LARS2: variants seen among roughly 807,000 people sequenced by gnomAD.
The protein encoded by LARS2 is leucyl-tRNA synthetase 2, mitochondrial.
Under a neutral mutation model 116.6 loss-of-function variants are expected in LARS2, and 81 were observed. The observed-to-expected ratio is 0.69, with a 90% CI of 0.58 to 0.84. The LOEUF (loss-of-function observed/expected upper bound fraction) is 0.84, where lower values mean the gene tolerates loss of function less well. Among genes scored for constraint, LARS2 ranks in the 40% least tolerant of loss-of-function variants. LARS2 has a pLI of 0.00. For missense variants in LARS2, 968 were observed against 1,114.5 expected (o/e 0.87, Z 1.87); for synonymous variants, 396 against 407.2 (o/e 0.97, Z 0.33).
chr3:45,522,489 G>T (rs9880108), intron 19 of LARS2, among the ~76,000 whole-genome samples: 1 of 152,230 alleles, frequency 6.6e-6, no homozygotes, highest in Non-Finnish European at 1.5e-5. Context: ...CCAGCACTGC[G>T]GGAGGTCAAG....
rs556672032 is a variant in LARS2 at position 45,400,327 on chromosome 3, C to T, written c.317C>T (p.Thr106Ile). 16 of 1,613,794 alleles carry T rather than the reference C, an allele frequency of 9.9e-6. No individual in the cohort carries two copies. The highest frequency in any genetic ancestry group is 1.3e-5 in the Non-Finnish European group (15 of 1,179,858). ...CACATGGGCCATGTGCGTGTCTACA[C>T]CATCAGCGACACCATAGCACGGTTC... ...KLHMGHVRVY[T>I]ISDTIARFQK... Residue 106 changes from threonine to isoleucine, a missense_variant, in exon 4 of 22, where the codon ACC becomes ATC. Transcript: ENST00000645846.
intron 10 of LARS2, among the ~76,000 whole-genome samples, chr3:45,482,072 C>T (rs1371787238): frequency 2.0e-5 from 3 of 152,266 alleles, no homozygotes; most frequent in African/African-American, 4.8e-5. Context: ...GGTCATGTTA[C>T]TTTTTAACTC....
chr3:45,395,899 A>G (rs1403987245), intron 3 of LARS2, among the ~76,000 whole-genome samples: 3 of 152,274 alleles, frequency 2.0e-5, no homozygotes, highest in Non-Finnish European at 4.4e-5. Flanking sequence ...TAATTTTACA[A>G]TGAAAGCTTG....
intron 12 of LARS2, among the ~76,000 whole-genome samples, chr3:45,489,814 A>G (rs759376348): frequency 6.6e-6 from 1 of 152,170 alleles, no homozygotes; most frequent in African/African-American, 2.4e-5. Flanking sequence ...TGAGGGGGGC[A>G]TGGATCAGAC....
chr3:45,432,731 G>A (rs1258685913), intron 6 of LARS2, among the ~76,000 whole-genome samples: 2 of 151,716 alleles, frequency 1.3e-5, no homozygotes, highest in African/African-American at 4.8e-5. Context: ...ACAAAGAGAA[G>A]AACAAAGTAA....
At chr3:45,476,336 C>T in intron 9 of LARS2, 132 bp from the exon 10 acceptor site, 3 of 932,184 alleles carry the variant, frequency 3.2e-6, no homozygotes, top group Non-Finnish European at 5.1e-6. Flanking sequence ...ATCCCCACAC[C>T]CCTGGCCCAG....
chr3:45,547,857 G>A lies in LARS2; in HGVS notation c.*327G>A. 4.6e-6 allele frequency: 1 copy of A among 215,372 alleles called. No individual in the cohort carries two copies. The highest frequency in any genetic ancestry group is 9.1e-6 in the Non-Finnish European group (1 of 109,602). The allele number at this position is 215,372 out of a possible 1,614,324, so 13.3% of individuals were successfully genotyped here. A position where few individuals can be genotyped will look rare whatever the true frequency, so the allele number is the denominator to read the frequency against. On this transcript the variant is annotated 3_prime_UTR_variant, in exon 22 of 22. Coordinates refer to ENST00000645846, the MANE Select transcript of LARS2 (RefSeq NM_015340.4). ...GAGACACTGCTGGTGGGAGCAGGAAGGAGCAGTGCCCCTCGAGCAGCCAGG... is the reference window on the plus strand; with the variant it reads ...GAGACACTGCTGGTGGGAGCAGGAAAGAGCAGTGCCCCTCGAGCAGCCAGG...
chr3:45,394,606 T>C lies in LARS2; in HGVS notation c.153T>C (p.Tyr51=). The C allele has an allele frequency of 6.2e-7, 1 of 1,614,164 alleles. No individual in the cohort carries two copies. Among genetic ancestry groups the C allele is most frequent in the Non-Finnish European group, 8.5e-7 (1 of 1,180,024 alleles). ...CCACGGGAAAGTGGACAAAAGAGTA[T>C]ACATTGCAGACAAGAAAGGATGTTG... is the stretch of plus-strand genomic sequence containing the variant. The part of the protein sequence containing the change: ...YSATGKWTKE[Y]TLQTRKDVEK... The change falls in exon 3 of 22, where the codon TAT becomes TAC. Residue 51 remains tyrosine (Y), a synonymous_variant. Coordinates refer to ENST00000645846, the MANE Select transcript of LARS2 (RefSeq NM_015340.4).
At chr3:45,498,966 C>A (rs1183318025) in intron 14 of LARS2, among the ~76,000 whole-genome samples, 1 of 152,096 alleles carries the variant, frequency 6.6e-6, no homozygotes, top group Non-Finnish European at 1.5e-5. Flanking sequence ...TTTCAGACTG[C>A]TTTAAAAAAT....
intron 8 of LARS2, among the ~76,000 whole-genome samples, chr3:45,466,484 A>T (rs776391431): frequency 6.6e-6 from 1 of 152,192 alleles, no homozygotes; most frequent in Non-Finnish European, 1.5e-5. Context: ...TTGCAAAATC[A>T]ATATGATGTC....
intron 20 of LARS2, among the ~76,000 whole-genome samples, chr3:45,531,095 A>G (rs1007942261): frequency 2.0e-4 from 31 of 152,258 alleles, no homozygotes; most frequent in Middle Eastern, 3.4e-3. Context: ...TGGCTGGCAT[A>G]TTTTTCTTCT....
intron 7 of LARS2, among the ~76,000 whole-genome samples, chr3:45,450,333 G>A (rs923068608): frequency 3.3e-5 from 5 of 152,066 alleles, no homozygotes; most frequent in Admixed American, 1.3e-4. Context: ...ATGCTAGAAC[G>A]TATTCCTTTT....
chr3:45,488,644 T>G, intron 11 of LARS2, 53 bp from the exon 12 acceptor site: 1 of 1,085,572 alleles, frequency 9.2e-7, no homozygotes. Context: ...TCAGTTGTTT[T>G]GTGATTTGGG....
intron 7 of LARS2, among the ~76,000 whole-genome samples, chr3:45,450,074 C>T (rs1699099417): frequency 6.6e-6 from 1 of 152,056 alleles, no homozygotes; most frequent in Admixed American, 6.5e-5. Context: ...AAGTTTTATT[C>T]CATGGATGTA....
At chr3:45,437,259 A>G (rs982823387) in intron 6 of LARS2, among the ~76,000 whole-genome samples, 1 of 152,246 alleles carries the variant, frequency 6.6e-6, no homozygotes, top group African/African-American at 2.4e-5. Context: ...AAAAGTGTCT[A>G]GCATTTGTCA....
chr3:45,516,568 A>G (rs1018817606), intron 17 of LARS2, among the ~76,000 whole-genome samples: 1 of 152,142 alleles, frequency 6.6e-6, no homozygotes, highest in Non-Finnish European at 1.5e-5. Context: ...TGGCCTTTGA[A>G]CAAGCTCAGC....
At chr3:45,533,991 G>A (rs189729384) in intron 20 of LARS2, among the ~76,000 whole-genome samples, 7 of 152,314 alleles carry the variant, frequency 4.6e-5, no homozygotes, top group Non-Finnish European at 8.8e-5. Context: ...TTTATTGAGC[G>A]TGTACTATGT....
At chr3:45,494,619 G>C (rs1699977457) in intron 13 of LARS2, among the ~76,000 whole-genome samples, 1 of 152,210 alleles carries the variant, frequency 6.6e-6, no homozygotes, top group African/African-American at 2.4e-5. Flanking sequence ...CTGGTTCTCT[G>C]CTGATCCAGG....
At position 45,414,275 on chromosome 3, in the gene LARS2, A is replaced by G. The variant is rs140404493; in HGVS notation, c.364-3207A>G. 5.6e-3 allele frequency among the ~76,000 whole-genome samples: 846 copies of G among 152,364 alleles called. 7 individuals carry two copies. Among genetic ancestry groups the G allele is most frequent in the Middle Eastern group, 0.024 (7 of 294 alleles). The stretch of plus-strand genomic sequence containing the variant: ...GTGAAAAACCAGAGATAAAAAATAC[A>G]TATATAAATAATATATTCTCAATTT... On this transcript the variant is annotated intron_variant, in intron 4 of 21. Coordinates refer to ENST00000645846, the MANE Select transcript of LARS2 (RefSeq NM_015340.4).
Sources: allele counts gnomAD v4.1 joint callset (sites outside exome capture counted in the v4.1 genomes callset), GRCh38; gene constraint gnomAD v4.1.1; transcripts MANE v1.5; gene names NCBI Gene and HGNC (gene_info 2026-07-23, HGNC 2026-07-21).